The following ITFG1 variants were observed in gnomAD, a reference collection of about 807,000 sequenced individuals.
The protein encoded by ITFG1 is T-cell immunomodulatory protein.
In ITFG1, 34 loss-of-function variants were observed where a neutral mutation model predicts 81.8. The ratio of observed to expected loss-of-function variants is 0.42; its 90% CI spans 0.32 to 0.55. The LOEUF is 0.55. Among genes scored for constraint, ITFG1 ranks in the 20% least tolerant of loss-of-function variants. ITFG1 has a pLI of 0.17. For synonymous variants in ITFG1, 285 were observed against 270.6 expected, an observed-to-expected ratio of 1.05 and a Z score of -0.52; for missense variants, 672 against 755.4, an observed-to-expected ratio of 0.89 and a Z score of 1.29.
chr16:47,180,091 C>T (rs756781160), intron 14 of ITFG1, among the ~76,000 whole-genome samples: 6 of 152,146 alleles, frequency 3.9e-5, no homozygotes, highest in Admixed American at 1.3e-4. Context: ...TTCATTTTCA[C>T]GCTCTATTCC....
intron 8 of ITFG1, among the ~76,000 whole-genome samples, chr16:47,358,324 G>A (rs776349582): frequency 1.3e-5 from 2 of 152,156 alleles, no homozygotes; most frequent in Non-Finnish European, 2.9e-5. Context: ...CATGGAAACA[G>A]AATTGGCACT....
intron 14 of ITFG1, among the ~76,000 whole-genome samples, chr16:47,215,110 G>C (rs1965609947): frequency 6.6e-6 from 1 of 152,060 alleles, no homozygotes. Flanking sequence ...CCCGACAATG[G>C]GTAGTGAGTG....
intron 8 of ITFG1, among the ~76,000 whole-genome samples, chr16:47,340,599 A>T (rs1181807506): frequency 1.3e-5 from 2 of 152,202 alleles, no homozygotes; most frequent in Admixed American, 6.5e-5. Flanking sequence ...ACATAAAAGG[A>T]GGAAACGAAA....
intron 12 of ITFG1, among the ~76,000 whole-genome samples, chr16:47,247,590 T>C (rs1338202534): frequency 6.6e-6 from 1 of 152,190 alleles, no homozygotes; most frequent in African/African-American, 2.4e-5. Flanking sequence ...TGTTAGCTAA[T>C]GAAAGATGTG....
At chr16:47,276,125 C>T (rs1966395729) in intron 10 of ITFG1, among the ~76,000 whole-genome samples, 1 of 151,872 alleles carries the variant, frequency 6.6e-6, no homozygotes, top group South Asian at 2.1e-4. Flanking sequence ...TTTTTATTTT[C>T]AAATGAAATA....
intron 5 of ITFG1, among the ~76,000 whole-genome samples, chr16:47,440,009 A>C (rs534557250): frequency 1.3e-5 from 2 of 152,298 alleles, no homozygotes; most frequent in Non-Finnish European, 2.9e-5. Flanking sequence ...AGCAAATGGA[A>C]AACAAAAAAA....
At chr16:47,186,398 A>C (rs1013196927) in intron 14 of ITFG1, among the ~76,000 whole-genome samples, 1 of 152,168 alleles carries the variant, frequency 6.6e-6, no homozygotes, top group African/African-American at 2.4e-5. Context: ...AACACATCAA[A>C]AAGCTTATCC....
In ITFG1 at chr16:47,207,006, T is replaced by C. The variant is rs147870827; in HGVS notation, c.1453+11862A>G. Among the ~76,000 whole-genome samples the C allele has an allele frequency of 2.0e-4, 31 of 152,356 alleles. No individual in the cohort carries two copies. In the East Asian group the frequency reaches 6.0e-3, roughly 29 times the overall value. Reference sequence around the variant, plus strand: ...TTCGTTCACTCAATTATTCAACAAATATTTATTCAGTATTATGATAGTATT... The same window carrying C: ...TTCGTTCACTCAATTATTCAACAAACATTTATTCAGTATTATGATAGTATT... On this transcript the variant is annotated intron_variant, in intron 14 of 17. Coordinates refer to ENST00000320640, the MANE Select transcript of ITFG1 (RefSeq NM_030790.5).
intron 5 of ITFG1, among the ~76,000 whole-genome samples, chr16:47,440,056 C>G (rs909834924): frequency 2.7e-5 from 4 of 149,902 alleles, no homozygotes; most frequent in African/African-American, 7.6e-5. Context: ...ATAAAACAGA[C>G]TTTAAACCAA....
At chr16:47,263,334 A>G (rs928479802) in intron 10 of ITFG1, 21 of 476,226 alleles carry the variant, frequency 4.4e-5, no homozygotes, top group Non-Finnish European at 5.6e-5. Flanking sequence ...GAGCAGGCCT[A>G]TGATCTGGCC....
chr16:47,280,637 G>A (rs976829284), intron 10 of ITFG1, among the ~76,000 whole-genome samples: 2 of 152,094 alleles, frequency 1.3e-5, no homozygotes, highest in African/African-American at 4.8e-5. Context: ...CTAATGAGAT[G>A]AGCTATCTCA....
rs1349412290 is a variant in ITFG1 at position 47,365,850 on chromosome 16, C to T, written c.740G>A (p.Ser247Asn). Reference protein sequence around the residue: ...WENLDGNFSVSTILEKPQNMM... With the variant: ...WENLDGNFSVNTILEKPQNMM... ...ATTTTGAGGTTTTTCCAATATAGTA[C>T]TGACAGAGAAGTTTCCATCCTGTTA... The change falls in exon 8 of 18, where the codon AGT becomes AAT. Residue 247 changes from serine (S) to asparagine (N), a missense_variant. This residue lies in a region of ITFG1 where 560 missense variants were observed against 625.7 expected (regional missense o/e 0.90). Transcript: ENST00000320640. 1.3e-6 allele frequency: 2 copies of T among 1,593,150 alleles called. No individual in the cohort carries two copies. The highest frequency in any genetic ancestry group is 8.6e-7 in the Non-Finnish European group (1 of 1,162,606).
At chr16:47,291,286 T>G (rs1459006038) in intron 10 of ITFG1, among the ~76,000 whole-genome samples, 1 of 152,238 alleles carries the variant, frequency 6.6e-6, no homozygotes, top group Non-Finnish European at 1.5e-5. Flanking sequence ...TCTGTTATTC[T>G]AATTGGGATT....
chr16:47,396,635 G>C (rs141848548), intron 6 of ITFG1, among the ~76,000 whole-genome samples: 16 of 149,916 alleles, frequency 1.1e-4, no homozygotes, highest in African/African-American at 3.8e-4. Flanking sequence ...AAGCATATTT[G>C]CAAGAGAGGG....
At chr16:47,304,024 T>C (rs969101598) in intron 10 of ITFG1, among the ~76,000 whole-genome samples, 3 of 152,138 alleles carry the variant, frequency 2.0e-5, no homozygotes, top group African/African-American at 7.2e-5. Flanking sequence ...AAAAAAAAAA[T>C]TCTTAGATTG....
At chr16:47,328,007 T>TAA (rs1392272398) in intron 8 of ITFG1, among the ~76,000 whole-genome samples, 1 of 151,728 alleles carries the variant, frequency 6.6e-6, no homozygotes, top group East Asian at 1.9e-4. Context: ...AATGCTGCTA[T>TAA]AGACACATGC....
intron 8 of ITFG1, among the ~76,000 whole-genome samples, chr16:47,318,888 G>C (rs1382912478): frequency 6.6e-6 from 1 of 152,090 alleles, no homozygotes; most frequent in Non-Finnish European, 1.5e-5. Flanking sequence ...AAATGCAGTT[G>C]GTAGAAGTAT....
chr16:47,219,758 A>C (rs1313034028), intron 13 of ITFG1, among the ~76,000 whole-genome samples: 22 of 152,182 alleles, frequency 1.4e-4, no homozygotes, highest in Admixed American at 1.4e-3. Flanking sequence ...CAGGATGATA[A>C]GAAGTAATAT....
intron 6 of ITFG1, among the ~76,000 whole-genome samples, chr16:47,402,822 T>G (rs1408826786): frequency 2.0e-5 from 3 of 152,148 alleles, no homozygotes; most frequent in Non-Finnish European, 4.4e-5. Flanking sequence ...ATGTACAACA[T>G]TATTATCTTG....
Sources: gnomAD v4.1 joint callset for allele counts (sites outside exome capture counted in the v4.1 genomes callset) on GRCh38, gnomAD v4.1.1 for gene constraint, gnomAD v4.1.1 regional missense constraint, MANE v1.5 for transcripts, NCBI Gene and HGNC (gene_info 2026-07-23, HGNC 2026-07-21) for gene names.